PCDHGA7: variants seen among roughly 807,000 people sequenced by gnomAD.
The protein encoded by PCDHGA7 is protocadherin gamma-A7.
In PCDHGA7, 44 loss-of-function variants were observed where a neutral mutation model predicts 58.3. The observed-to-expected ratio is 0.75, with a 90% CI of 0.59 to 0.97. PCDHGA7 has a LOEUF of 0.97. PCDHGA7 is among the 50% of genes least tolerant of loss of function. PCDHGA7 has a pLI of 0.00. For missense variants in PCDHGA7, 1,266 were observed against 1,188.7 expected, an observed-to-expected ratio of 1.06 and a Z score of -0.96; for synonymous variants, 516 against 504.2, an observed-to-expected ratio of 1.02 and a Z score of -0.31.
chr5:141,449,424 T>C (rs2098638345), intron 1 of PCDHGA7, among the ~76,000 whole-genome samples: 1 of 151,674 alleles, frequency 6.6e-6, no homozygotes, highest in Admixed American at 6.6e-5. Context: ...CTGGCCAACA[T>C]GATAAAACTC....
Position 141,384,446 on chromosome 5 carries a change from C to T in PCDHGA7, c.1547C>T (p.Ala516Val), listed in dbSNP as rs781605513. The change falls in exon 1 of 4, where the codon GCG becomes GTG. Residue 516 changes from alanine to valine, a missense_variant. Coordinates refer to ENST00000518325, the MANE Select transcript of PCDHGA7 (RefSeq NM_018920.4). ...AACTCTGACACTGGAGTCCTGTACGCGCTGCAATCCTTTGATTATGAGCAG... is the reference window on the plus strand; with the variant it reads ...AACTCTGACACTGGAGTCCTGTACGTGCTGCAATCCTTTGATTATGAGCAG... ...SINSDTGVLYALQSFDYEQLR... is the reference protein window; with the variant it reads ...SINSDTGVLYVLQSFDYEQLR... 9 of 1,614,034 alleles carry T rather than the reference C, an allele frequency of 5.6e-6. No homozygotes were observed. Among genetic ancestry groups the T allele is most frequent in the South Asian group, 4.4e-5 (4 of 91,086 alleles).
chr5:141,489,080 C>CCCA lies in PCDHGA7; in HGVS notation c.2425-5727_2425-5726insCCA. On this transcript the variant is annotated intron_variant, in intron 1 of 3. Coordinates refer to ENST00000518325, the MANE Select transcript of PCDHGA7 (RefSeq NM_018920.4). This position sits in a 1 kb window ranked among gnomAD's most constrained non-coding sequence, Gnocchi z 4.5. ...TCCCCTCCCCCCTGCCCACCCCCGC[C>CCCA]ACTCGGTGACTAAGAACTGCTGCAA... 3.0e-6 allele frequency: 1 copy of CCCA among 336,172 alleles called. No individual in the cohort carries two copies. The highest frequency in any genetic ancestry group is 5.5e-5 in the East Asian group (1 of 18,342). 20.8% of individuals were successfully genotyped at this position (336,172 alleles called of 1,614,324 possible).
chr5:141,415,968 C>T (rs1382830747), intron 1 of PCDHGA7: 2 of 390,600 alleles, frequency 5.1e-6, no homozygotes, highest in African/African-American at 2.1e-5. Context: ...ACTCCAGCCC[C>T]TTAAGCAACC....
intron 1 of PCDHGA7, chr5:141,399,718 C>T (rs770212703): frequency 6.2e-7 from 1 of 1,613,306 alleles, no homozygotes; most frequent in Non-Finnish European, 8.5e-7. Context: ...ACTACAGGCC[C>T]GCGACCAGGG....
chr5:141,428,167 G>GCGTGA (rs746443726), intron 1 of PCDHGA7: 3 of 1,548,998 alleles, frequency 1.9e-6, no homozygotes, highest in South Asian at 1.1e-5. Context: ...TGGTTGCTGT[G>GCGTGA]CGTGACGGAG....
chr5:141,485,543 G>C lies in PCDHGA7; in HGVS notation c.2425-9264G>C. 1.9e-6 allele frequency: 3 copies of C among 1,614,092 alleles called. No homozygotes were observed. The highest frequency in any genetic ancestry group is 2.5e-6 in the Non-Finnish European group (3 of 1,179,972). On this transcript the variant is annotated intron_variant, in intron 1 of 3. Coordinates refer to ENST00000518325, the MANE Select transcript of PCDHGA7 (RefSeq NM_018920.4). This position sits in a 1 kb window ranked among gnomAD's most constrained non-coding sequence, Gnocchi z 5.7. Reference sequence around the variant, plus strand: ...AATGTACCGAGCAGAGGTAGAGATCGTAGATGTGAATGATCACGCCCCCCG... The same window carrying C: ...AATGTACCGAGCAGAGGTAGAGATCCTAGATGTGAATGATCACGCCCCCCG...
intron 3 of PCDHGA7, among the ~76,000 whole-genome samples, chr5:141,509,808 G>A (rs905531504): frequency 3.9e-5 from 6 of 152,028 alleles, no homozygotes; most frequent in Non-Finnish European, 7.4e-5. Context: ...TCATAGAGCC[G>A]AGCTCTTCTC....
At chr5:141,433,068 T>G (rs1296504554) in intron 1 of PCDHGA7, 1 of 1,613,900 alleles carries the variant, frequency 6.2e-7, no homozygotes, top group South Asian at 1.1e-5. Context: ...CACCTGATCT[T>G]CCCCCAGCCC....
chr5:141,435,733 T>C (rs950139563), intron 1 of PCDHGA7, among the ~76,000 whole-genome samples: 12 of 152,208 alleles, frequency 7.9e-5, no homozygotes, highest in African/African-American at 2.7e-4. Context: ...AGTGTATTAC[T>C]CTTTGAAAAG....
chr5:141,383,111 G>T lies in PCDHGA7; in HGVS notation c.212G>T (p.Arg71Met). Reference sequence around the variant, plus strand: ...GGAGTCCGCATCATCTCCAGAGGTAGGACGCAGCTTTTCGCCCTGAACCAG... The same window carrying T: ...GGAGTCCGCATCATCTCCAGAGGTATGACGCAGCTTTTCGCCCTGAACCAG... ...ERGVRIISRG[R>M]TQLFALNQRS... Residue 71 changes from arginine (R) to methionine (M), a missense_variant, in exon 1 of 4, where the codon AGG (arginine) becomes ATG (methionine). Physicochemically the swap from Arg to Met is moderately conservative, Grantham distance 91. Coordinates refer to ENST00000518325, the MANE Select transcript of PCDHGA7 (RefSeq NM_018920.4). 1 of 1,614,040 alleles carries T rather than the reference G, an allele frequency of 6.2e-7. No homozygotes were observed. The highest frequency in any genetic ancestry group is 8.5e-7 in the Non-Finnish European group (1 of 1,179,956).
Position 141,415,740 on chromosome 5 carries a change from G to T in PCDHGA7, c.2424+30417G>T, listed in dbSNP as rs866795513. 9.4e-4 allele frequency: 585 copies of T among 624,884 alleles called. 4 individuals carry two copies. The highest frequency in any genetic ancestry group is 8.0e-3 in the African/African-American group (318 of 39,862). 38.7% of individuals were successfully genotyped at this position (624,884 alleles called of 1,614,324 possible). A position where few individuals can be genotyped will look rare whatever the true frequency, so the allele number is the denominator to read the frequency against. The stretch of plus-strand genomic sequence containing the variant: ...TGAGTAGAATTTGATGTTTATTAAG[G>T]TTTTTTTTTTTTTTTTTTTTTTTTT... On this transcript the variant is annotated intron_variant, in intron 1 of 3. Coordinates refer to ENST00000518325, the MANE Select transcript of PCDHGA7 (RefSeq NM_018920.4).
At chr5:141,413,230 C>A in intron 1 of PCDHGA7, 1 of 1,613,942 alleles carries the variant, frequency 6.2e-7, no homozygotes. Context: ...CGGGCTGGTC[C>A]TGCTCTGCCT....
intron 1 of PCDHGA7, chr5:141,409,110 A>T: frequency 6.2e-7 from 1 of 1,614,060 alleles, no homozygotes; most frequent in Non-Finnish European, 8.5e-7. Context: ...ATGATTAAGA[A>T]TAACCAGTCA....
intron 1 of PCDHGA7, chr5:141,388,948 T>A (rs751779962): frequency 1.9e-6 from 3 of 1,614,022 alleles, no homozygotes; most frequent in Non-Finnish European, 2.5e-6. Context: ...AACCTAATTA[T>A]GGAGGACGCC....
Position 141,476,500 on chromosome 5 carries a change from C to A in PCDHGA7, c.2425-18307C>A. The A allele has an allele frequency of 6.2e-7, 1 of 1,613,874 alleles. No homozygotes were observed. The highest frequency in any genetic ancestry group is 8.5e-7 in the Non-Finnish European group (1 of 1,179,950). ...GCGTGGAAGTGGTGATCCAGGACAT[C>A]AACGACAACAATCCTGCTTTCCCTA... On this transcript the variant is annotated intron_variant, in intron 1 of 3. Coordinates refer to ENST00000518325, the MANE Select transcript of PCDHGA7 (RefSeq NM_018920.4). The surrounding 1 kb of genome is among the most constrained non-coding windows in gnomAD (Gnocchi z 7.6).
chr5:141,464,530 T>C (rs375523203), intron 1 of PCDHGA7, among the ~76,000 whole-genome samples: 1 of 152,108 alleles, frequency 6.6e-6, no homozygotes, highest in African/African-American at 2.4e-5. Flanking sequence ...TATGTAGTTT[T>C]GTTAAATATA....
At chr5:141,470,723 G>T (rs1326927605) in intron 1 of PCDHGA7, among the ~76,000 whole-genome samples, 1 of 151,852 alleles carries the variant, frequency 6.6e-6, no homozygotes, top group East Asian at 1.9e-4. Flanking sequence ...TTTGAGTCAG[G>T]GTCTTGCTCT....
At chr5:141,409,013 G>T in intron 1 of PCDHGA7, 1 of 1,613,998 alleles carries the variant, frequency 6.2e-7, no homozygotes. Flanking sequence ...TGACCAGGAT[G>T]AGGGGGTCAA....
intron 1 of PCDHGA7, chr5:141,402,981 G>A (rs375892904): frequency 1.2e-6 from 2 of 1,608,410 alleles, no homozygotes; most frequent in Non-Finnish European, 1.7e-6. Flanking sequence ...TGCCAGCTCC[G>A]CGGAAGATTA....
Sources: allele counts gnomAD v4.1 joint callset (sites outside exome capture counted in the v4.1 genomes callset), GRCh38; gene constraint gnomAD v4.1.1; non-coding constraint Gnocchi (gnomAD v3.1); transcripts MANE v1.5; gene names NCBI Gene and HGNC (gene_info 2026-07-23, HGNC 2026-07-21).